The following ZNF394 variants were observed in gnomAD, a reference collection of about 807,000 sequenced individuals.
ZNF394 encodes zinc finger protein 99.
Under a neutral mutation model 21.8 loss-of-function variants are expected in ZNF394, and 19 were observed. That is an observed-to-expected ratio of 0.87 (90% CI 0.61 to 1.28). The LOEUF is 1.28. Among genes scored for constraint, ZNF394 ranks in the 50% most tolerant of loss-of-function variants. The pLI is 0.00. For missense variants in ZNF394, 683 were observed against 708.6 expected (o/e 0.96, Z 0.41); for synonymous variants, 294 against 273.3 (o/e 1.08, Z -0.75).
chr7:99,488,083 A>C (rs1405634504), intron 1 of ZNF394, among the ~76,000 whole-genome samples: 3 of 151,466 alleles, frequency 2.0e-5, no homozygotes, highest in Admixed American at 6.6e-5. Flanking sequence ...AAAAAAAAAA[A>C]AAAAAAAAAA....
At position 99,499,995 on chromosome 7, in the gene ZNF394, G is replaced by C. The variant is rs1800470639; in HGVS notation, c.99C>G (p.Arg33=). 6.2e-7 allele frequency: 1 copy of C among 1,611,522 alleles called. No homozygotes were observed. The highest frequency in any genetic ancestry group is 1.3e-5 in the African/African-American group (1 of 74,938). Residue 33 remains arginine, a synonymous_variant, in exon 1 of 3, where the codon CGC becomes CGG. Transcript: ENST00000337673. ...CCACTTTCACGGGCAAAAGTCCGTC[G>C]CGTTGGGACGGCGCCGCGTCCTTGG... ...ARSKDAAPSQ[R]DGLLPVKVEE...
chr7:99,486,765 A>G, exon 2 of ZNF394: 1 of 1,614,228 alleles, frequency 6.2e-7, no homozygotes, highest in Non-Finnish European at 8.5e-7. Context: ...TCAATCAAAG[A>G]TCTTTGCTTT....
chr7:99,499,415 A>G (rs561237599), intron 1 of ZNF394, among the ~76,000 whole-genome samples: 98 of 152,060 alleles, frequency 6.4e-4, no homozygotes, highest in Non-Finnish European at 1.1e-3. Context: ...AAAAAAAAGA[A>G]AAGAAAAAGA....
chr7:99,486,754 T>TTC (rs1799976974), exon 2 of ZNF394: 2 of 1,614,224 alleles, frequency 1.2e-6, no homozygotes. Context: ...TGGCAAACCC[T>TTC]TCAATCAAAG....
At position 99,493,630 on chromosome 7, in the gene ZNF394, C is replaced by G; in HGVS notation, c.1585G>C (p.Glu529Gln). ...CTTTGTCTAAATCTTTCCCCACATT[C>G]AAGACATTTGTAAGGCTTTTCCCCA... ...HTGEKPYKCL[E>Q]CGERFRQSTH... The change falls in exon 3 of 3, where the codon GAA becomes CAA. Residue 529 changes from glutamate (E) to glutamine (Q), a missense_variant. Physicochemically the swap from Glu to Gln is conservative, Grantham distance 29 (BLOSUM62 2). Transcript: ENST00000337673. 1 of 1,614,176 alleles carries G rather than the reference C, an allele frequency of 6.2e-7. No homozygotes were observed. The highest frequency in any genetic ancestry group is 8.5e-7 in the Non-Finnish European group (1 of 1,180,036).
rs750638228 is a variant in ZNF394, at chr7:99,500,053, G to A, written c.41C>T (p.Ala14Val). ...AGCCATCACCCAGGGTCCCAACTCG[G>A]CGTCACTGCCGCGCCTCTGGGCGGT... ...SLTAQRRGSD[A>V]ELGPWVMAAR... The change falls in exon 1 of 3, where the codon GCC (alanine) becomes GTC (valine). Residue 14 changes from alanine (A) to valine (V), a missense_variant. Physicochemically the swap from Ala to Val is moderately conservative, Grantham distance 64 (BLOSUM62 0). This residue lies in a region of ZNF394 where 402 missense variants were observed against 373.8 expected (regional missense o/e 1.08). Coordinates refer to ENST00000337673, the MANE Select transcript of ZNF394 (RefSeq NM_032164.4). The A allele has an allele frequency of 1.3e-6, 2 of 1,586,268 alleles. No homozygotes were observed. The highest frequency in any genetic ancestry group is 1.1e-5 in the South Asian group (1 of 89,308).
downstream of ZNF394, among the ~76,000 whole-genome samples, chr7:99,491,581 T>A (rs970566869): frequency 1.3e-5 from 2 of 151,492 alleles, no homozygotes; most frequent in Non-Finnish European, 2.9e-5. Flanking sequence ...ATAGACACCA[T>A]CTTGGCCAAC....
In ZNF394 at chr7:99,500,146, G is replaced by A. The variant is rs898747299; in HGVS notation, c.-53C>T. The A allele has an allele frequency of 1.6e-5, 24 of 1,500,372 alleles. No homozygotes were observed. The highest frequency in any genetic ancestry group is 1.9e-5 in the Non-Finnish European group (22 of 1,132,280). 92.9% of individuals were successfully genotyped at this position (1,500,372 alleles called of 1,614,324 possible). On this transcript the variant is annotated 5_prime_UTR_variant, in exon 1 of 3. Transcript: ENST00000337673. ...GGAGTCTTCTTTTCAGGTGAAGAAA[G>A]AGCAAACCCAAGGAACTCATCAGCC...
intron 2 of ZNF394, 45 bp from the exon 3 acceptor site, chr7:99,494,676 A>G: frequency 6.6e-7 from 1 of 1,522,990 alleles, no homozygotes; most frequent in Non-Finnish European, 8.8e-7. Flanking sequence ...TCCCTGTGCA[A>G]CACAGAAATA....
chr7:99,496,308 G>A (rs948364831), intron 2 of ZNF394, among the ~76,000 whole-genome samples: 8 of 150,828 alleles, frequency 5.3e-5, no homozygotes, highest in Admixed American at 2.0e-4. Context: ...GAGCTACCTC[G>A]GTCTCCCAAA....
intron 1 of ZNF394, among the ~76,000 whole-genome samples, chr7:99,499,085 A>G (rs1179241388): frequency 6.6e-6 from 1 of 152,244 alleles, no homozygotes; most frequent in Admixed American, 6.5e-5. Context: ...ACAGATTAAA[A>G]GTAAACAAGG....
chr7:99,496,460 G>A (rs897296232), intron 2 of ZNF394, among the ~76,000 whole-genome samples: 2 of 152,116 alleles, frequency 1.3e-5, no homozygotes, highest in African/African-American at 4.8e-5. Flanking sequence ...GAGGCAGCGG[G>A]GCCTGGCATA....
Position 99,500,094 on chromosome 7 carries a change from C to T in ZNF394, c.-1G>A, listed in dbSNP as rs1341323262. The T allele has an allele frequency of 5.2e-6, 8 of 1,540,296 alleles. No homozygotes were observed. Among genetic ancestry groups the T allele is most frequent in the Non-Finnish European group, 7.0e-6 (8 of 1,150,432 alleles). On this transcript the variant is annotated 5_prime_UTR_variant, in exon 1 of 3. Transcript: ENST00000337673. ...TCTGGGCGGTCAAGCTGGAATTCAT[C>T]TTTCTCCGGCATGTGCTGCCCTTCC...
chr7:99,498,571 G>T, intron 2 of ZNF394, 145 bp downstream of exon 2: 2 of 1,157,212 alleles, frequency 1.7e-6, no homozygotes, highest in Non-Finnish European at 2.4e-6. Flanking sequence ...GCACCTAGCA[G>T]TACAGAGGCT....
At chr7:99,490,207 T>A (rs945229640), downstream of ZNF394, among the ~76,000 whole-genome samples, 1 of 136,146 alleles carries the variant, frequency 7.3e-6, no homozygotes, top group Admixed American at 8.6e-5. Flanking sequence ...CAGGCTGGAG[T>A]GCAGCGGTGA....
downstream of ZNF394, among the ~76,000 whole-genome samples, chr7:99,492,791 T>TAAA (rs1173024023): frequency 7.6e-6 from 1 of 132,146 alleles, no homozygotes; most frequent in Non-Finnish European, 1.6e-5. Flanking sequence ...CCCTATCTCT[T>TAAA]AAAAAAAAAA....
At chr7:99,495,719 C>T (rs1395834003) in intron 2 of ZNF394, among the ~76,000 whole-genome samples, 1 of 152,154 alleles carries the variant, frequency 6.6e-6, no homozygotes, top group African/African-American at 2.4e-5. Flanking sequence ...CCCCCAGGTT[C>T]AAGCAATTCC....
rs1383052737 is a variant in ZNF394 at position 99,497,139 on chromosome 7, T to TG, written c.583+1576_583+1577insC. Among the ~76,000 whole-genome samples the TG allele has an allele frequency of 2.3e-5, 3 of 129,370 alleles. 1 individual carries two copies. The highest frequency in any genetic ancestry group is 1.1e-4 in the African/African-American group (3 of 27,624). 84.9% of individuals were successfully genotyped at this position (129,370 alleles called of 152,430 possible). On this transcript the variant is annotated intron_variant, in intron 2 of 2. Transcript: ENST00000337673. ...GTGTGTGTGTATATATATATATATA[T>TG]ATGTATATATATATATAAAATGTTT...
intron 1 of ZNF394, chr7:99,487,213 C>G (rs1334125848): frequency 6.2e-7 from 1 of 1,614,158 alleles, no homozygotes; most frequent in Non-Finnish European, 8.5e-7. Context: ...TCAACAGATT[C>G]ACAGTAAACC....
Sources: allele counts gnomAD v4.1 joint callset (sites outside exome capture counted in the v4.1 genomes callset), GRCh38; gene constraint gnomAD v4.1.1; regional missense constraint gnomAD v4.1.1; transcripts MANE v1.5; gene names NCBI Gene and HGNC (gene_info 2026-07-23, HGNC 2026-07-21).